PDE9A: variants seen among roughly 807,000 people sequenced by gnomAD.
PDE9A encodes high affinity cGMP-specific 3',5'-cyclic phosphodiesterase 9A.
A neutral mutation model predicts 87.4 loss-of-function variants in PDE9A; 60 were observed. The ratio of observed to expected loss-of-function variants is 0.69; its 90% CI spans 0.56 to 0.85. The LOEUF (loss-of-function observed/expected upper bound fraction) is 0.85, where lower values mean the gene tolerates loss of function less well. PDE9A is among the 40% of genes least tolerant of loss of function. PDE9A has a pLI of 0.00. For missense variants in PDE9A, 665 were observed against 779.0 expected (o/e 0.85, Z 1.74); for synonymous variants, 272 against 279.4 (o/e 0.97, Z 0.27).
intron 4 of PDE9A, among the ~76,000 whole-genome samples, chr21:42,706,214 G>A (rs1247718178): frequency 6.6e-6 from 1 of 152,204 alleles, no homozygotes; most frequent in Non-Finnish European, 1.5e-5. Flanking sequence ...ATGCAGATGC[G>A]CTGTAACTGT....
intron 14 of PDE9A, among the ~76,000 whole-genome samples, 167 bp downstream of exon 14, chr21:42,762,406 G>T (rs1328056757): frequency 1.3e-5 from 2 of 152,176 alleles, no homozygotes; most frequent in Admixed American, 6.5e-5. Flanking sequence ...GCCCAGAGTG[G>T]AGCCCCAAAA....
intron 4 of PDE9A, among the ~76,000 whole-genome samples, chr21:42,716,095 T>C (rs1466899054): frequency 6.6e-6 from 1 of 151,922 alleles, no homozygotes; most frequent in Non-Finnish European, 1.5e-5. Flanking sequence ...GCATATTCCA[T>C]GGTCTGTATG....
At chr21:42,703,347 G>A (rs1023325819) in intron 4 of PDE9A, among the ~76,000 whole-genome samples, 1 of 152,230 alleles carries the variant, frequency 6.6e-6, no homozygotes, top group Non-Finnish European at 1.5e-5. Flanking sequence ...ACCAGCAGGA[G>A]GGGCCAGGCC....
At chr21:42,763,082 C>G (rs1221412776) in intron 14 of PDE9A, among the ~76,000 whole-genome samples, 1 of 152,170 alleles carries the variant, frequency 6.6e-6, no homozygotes, top group Non-Finnish European at 1.5e-5. Flanking sequence ...GGAAGATGAC[C>G]TGGTCCACCT....
chr21:42,766,045 A>G (rs2147153910), intron 15 of PDE9A, among the ~76,000 whole-genome samples: 1 of 152,366 alleles, frequency 6.6e-6, no homozygotes, highest in African/African-American at 2.4e-5. Context: ...ACCAAGGCAC[A>G]CAAGGACCAG....
At position 42,675,377 on chromosome 21, in the gene PDE9A, G is replaced by C. The variant is rs887576187; in HGVS notation, c.70-10815G>C. On this transcript the variant is annotated intron_variant, in intron 1 of 19. Coordinates refer to ENST00000291539, the MANE Select transcript of PDE9A (RefSeq NM_002606.3). The surrounding 1 kb of genome is among the most constrained non-coding windows in gnomAD (Gnocchi z 4.3). The stretch of plus-strand genomic sequence containing the variant: ...GTGCATCTTTGCTTGCAGCAGGGCA[G>C]CGCAGGGCATTGGTTGGGGTATAAA... Among the ~76,000 whole-genome samples, 12 of 152,260 alleles carry C rather than the reference G, an allele frequency of 7.9e-5. No homozygotes were observed. Among genetic ancestry groups the C allele is most frequent in the Admixed American group, 4.6e-4 (7 of 15,290 alleles).
At chr21:42,669,807 G>C (rs952012761) in intron 1 of PDE9A, among the ~76,000 whole-genome samples, 2 of 152,184 alleles carry the variant, frequency 1.3e-5, no homozygotes, top group Admixed American at 6.5e-5. Flanking sequence ...GCTCAGCACG[G>C]AATGAAGAGG....
At chr21:42,743,910 C>T (rs1191187247) in intron 8 of PDE9A, 50 bp downstream of exon 8, 6 of 1,063,492 alleles carry the variant, frequency 5.6e-6, no homozygotes, top group South Asian at 4.0e-5. Context: ...GAGGGCTCCC[C>T]GTACCAGTTG....
chr21:42,750,638 CA>C (rs1452176824), intron 8 of PDE9A, among the ~76,000 whole-genome samples: 1 of 151,764 alleles, frequency 6.6e-6, no homozygotes, highest in African/African-American at 2.4e-5. Flanking sequence ...TGCAGTGGCA[CA>C]ATCTCTGCTC....
chr21:42,720,660 G>C (rs2050412672), intron 4 of PDE9A, among the ~76,000 whole-genome samples: 1 of 152,110 alleles, frequency 6.6e-6, no homozygotes, highest in Admixed American at 6.6e-5. Context: ...CGGGCTTGAC[G>C]ATGTCATGAC....
intron 4 of PDE9A, among the ~76,000 whole-genome samples, chr21:42,714,286 G>A (rs2049627326): frequency 6.6e-6 from 1 of 151,990 alleles, no homozygotes; most frequent in Non-Finnish European, 1.5e-5. Context: ...CAAAGTGCTG[G>A]GATTACAGGT....
chr21:42,719,345 C>A (rs530543665), intron 4 of PDE9A, among the ~76,000 whole-genome samples: 2 of 151,738 alleles, frequency 1.3e-5, no homozygotes, highest in Non-Finnish European at 2.9e-5. Flanking sequence ...GAATATTATT[C>A]CATTCTAGGC....
rs900757404 is a variant in PDE9A at position 42,762,081 on chromosome 21, A to G, written c.1086-2A>G. 1.2e-6 allele frequency: 2 copies of G among 1,612,946 alleles called. No individual in the cohort carries two copies. The highest frequency in any genetic ancestry group is 1.7e-6 in the Non-Finnish European group (2 of 1,179,420). ...TCCCCTCACTCTCTCCTTGCCTCCC[A>G]GGTACCAGATCAATGCCCGCACAGA... On this transcript the variant is annotated splice_acceptor_variant, in intron 13 of 19. Coordinates refer to ENST00000291539, the MANE Select transcript of PDE9A (RefSeq NM_002606.3). LOFTEE classifies it high-confidence loss of function.
At chr21:42,761,233 C>T (rs544333372) in intron 13 of PDE9A, among the ~76,000 whole-genome samples, 3 of 152,366 alleles carry the variant, frequency 2.0e-5, no homozygotes, top group Admixed American at 2.0e-4. Flanking sequence ...AACACCTGTC[C>T]GCATGCAGGG....
At chr21:42,670,201 A>ATT (rs59140858) in intron 1 of PDE9A, among the ~76,000 whole-genome samples, 3 of 133,312 alleles carry the variant, frequency 2.3e-5, no homozygotes, top group African/African-American at 1.2e-4. Context: ...ACATTCACAC[A>ATT]CATACACTTA....
intron 15 of PDE9A, chr21:42,765,703 G>T: frequency 1.8e-6 from 1 of 555,432 alleles, no homozygotes; most frequent in East Asian, 3.1e-5. Flanking sequence ...ATGGTCAGAG[G>T]CAGCATTCTC....
intron 1 of PDE9A, among the ~76,000 whole-genome samples, chr21:42,670,190 CACATTCACACACATACACTT>C (rs1317844560): frequency 6.9e-4 from 102 of 148,838 alleles, no homozygotes; most frequent in African/African-American, 2.1e-3. Flanking sequence ...TACACTTACA[CACATTCACACACATACACTT>C]ACATTCACAC....
chr21:42,747,978 C>T (rs1013431398), intron 8 of PDE9A, among the ~76,000 whole-genome samples: 9 of 152,156 alleles, frequency 5.9e-5, no homozygotes, highest in African/African-American at 2.2e-4. Flanking sequence ...GGCAGCGGAG[C>T]GCAGAGAGAG....
intron 8 of PDE9A, among the ~76,000 whole-genome samples, chr21:42,749,328 C>G (rs1201128629): frequency 6.6e-6 from 1 of 152,122 alleles, no homozygotes; most frequent in Non-Finnish European, 1.5e-5. Flanking sequence ...CAGGCGTGAC[C>G]CCCACCCACC....
Sources: allele counts gnomAD v4.1 joint callset (sites outside exome capture counted in the v4.1 genomes callset), GRCh38; gene constraint gnomAD v4.1.1; non-coding constraint Gnocchi (gnomAD v3.1); transcripts MANE v1.5; gene names NCBI Gene and HGNC (gene_info 2026-07-23, HGNC 2026-07-21).